HMGA1: variants seen among roughly 807,000 people sequenced by gnomAD.
HMGA1 encodes the protein high mobility group AT-hook 1.
Under a neutral mutation model 15.1 loss-of-function variants are expected in HMGA1, and 1 was observed. The observed-to-expected ratio is 0.07, with a 90% CI of 0.02 to 0.31. The LOEUF is 0.31. Ranked by LOEUF, HMGA1 falls within the 10% of genes least tolerant of loss-of-function variation. The pLI, the probability that HMGA1 is intolerant of heterozygous loss-of-function variation, is 1.00. For missense variants in HMGA1, 94 were observed against 141.4 expected, an observed-to-expected ratio of 0.66 and a Z score of 1.70; for synonymous variants, 56 against 54.8, an observed-to-expected ratio of 1.02 and a Z score of -0.10.
At chr6:34,238,355 C>T (rs1006395271) in intron 2 of HMGA1, among the ~76,000 whole-genome samples, 1 of 152,190 alleles carries the variant, frequency 6.6e-6, no homozygotes, top group Non-Finnish European at 1.5e-5. Flanking sequence ...AGCCTGATGC[C>T]TCGGGGGTTT....
rs944408467 is a variant in HMGA1 at position 34,238,363 on chromosome 6, T to G, written c.-45+1046T>G. 4.0e-5 allele frequency among the ~76,000 whole-genome samples: 6 copies of G among 151,632 alleles called. No individual in the cohort carries two copies. The East Asian group carries it at 1.2e-3, about 30-fold the overall frequency. Reference sequence around the variant, plus strand: ...GGTCTGGAGCCTGATGCCTCGGGGGTTTAGCCCTAGCCGCTAGGCGGGTAG... The same window carrying G: ...GGTCTGGAGCCTGATGCCTCGGGGGGTTAGCCCTAGCCGCTAGGCGGGTAG... On this transcript the variant is annotated intron_variant, in intron 2 of 5. Coordinates refer to ENST00000311487, the MANE Select transcript of HMGA1 (RefSeq NM_145899.3).
Position 34,245,620 on chromosome 6 carries a change from G to A in HMGA1, c.*736G>A, listed in dbSNP as rs1762685856. The stretch of plus-strand genomic sequence containing the variant: ...TCTGAGTACATATTGTGGTGATGGA[G>A]ATGCAGTCACTTATTGTCCAGGTGA... On this transcript the variant is annotated 3_prime_UTR_variant, in exon 6 of 6. Transcript: ENST00000311487. 7.2e-7 allele frequency: 1 copy of A among 1,379,950 alleles called. No homozygotes were observed. The highest frequency in any genetic ancestry group is 1.4e-5 in the African/African-American group (1 of 69,540). The allele number at this position is 1,379,950 out of a possible 1,614,324, so 85.5% of individuals were successfully genotyped here. A position where few individuals can be genotyped will look rare whatever the true frequency, so the allele number is the denominator to read the frequency against.
rs894782400 is a variant in HMGA1, at chr6:34,240,841, A to G, written c.61A>G (p.Thr21Ala). 2.5e-6 allele frequency: 4 copies of G among 1,613,236 alleles called. No homozygotes were observed. The highest frequency in any genetic ancestry group is 1.7e-5 in the Admixed American group (1 of 59,998). ...GGCCTCCAAGCAGGAAAAGGACGGC[A>G]CTGAGAAGCGGGGCCGGGGCAGGCC... Reference protein sequence around the residue: ...PLASKQEKDGTEKRGRGRPRK... With the variant: ...PLASKQEKDGAEKRGRGRPRK... The change falls in exon 3 of 6, where the codon ACT (threonine) becomes GCT (alanine). Residue 21 changes from threonine to alanine, a missense_variant. Transcript: ENST00000311487.
At chr6:34,241,822 C>T (rs532783556) in intron 3 of HMGA1, among the ~76,000 whole-genome samples, 29 of 152,336 alleles carry the variant, frequency 1.9e-4, no homozygotes, top group African/African-American at 7.0e-4. Flanking sequence ...TTTTCCCTGT[C>T]CGTACGGTGG....
intron 2 of HMGA1, among the ~76,000 whole-genome samples, chr6:34,237,603 C>G (rs1761888205): frequency 6.8e-6 from 1 of 147,362 alleles, no homozygotes; most frequent in African/African-American, 2.5e-5. Context: ...AGGGGGCGCG[C>G]AGCTGCGGCG....
intron 4 of HMGA1, 31 bp downstream of exon 4, chr6:34,242,826 G>A: frequency 1.3e-6 from 2 of 1,501,718 alleles, no homozygotes; most frequent in Non-Finnish European, 1.8e-6. Context: ...ACCCCTGGGT[G>A]GATGACTAGC....
chr6:34,242,901 C>G (rs1052758705), intron 4 of HMGA1, 106 bp downstream of exon 4: 1 of 811,144 alleles, frequency 1.2e-6, no homozygotes, highest in African/African-American at 1.7e-5. Flanking sequence ...GCTCAGTCAT[C>G]TCAGTTGTGT....
chr6:34,243,419 G>T, intron 4 of HMGA1, 49 bp from the exon 5 acceptor site: 1 of 1,428,020 alleles, frequency 7.0e-7, no homozygotes, highest in Non-Finnish European at 9.9e-7. Context: ...CATCGGGTGA[G>T]CACTGATGAG....
In HMGA1 at chr6:34,245,188, T is replaced by A; in HGVS notation, c.*304T>A. 1 of 1,410,020 alleles carries A rather than the reference T, an allele frequency of 7.1e-7. No individual in the cohort carries two copies. Among genetic ancestry groups the A allele is most frequent in the Non-Finnish European group, 9.4e-7 (1 of 1,066,580 alleles). The allele number at this position is 1,410,020 out of a possible 1,614,324, so 87.3% of individuals were successfully genotyped here. A position where few individuals can be genotyped will look rare whatever the true frequency, so the allele number is the denominator to read the frequency against. On this transcript the variant is annotated 3_prime_UTR_variant, in exon 6 of 6. Coordinates refer to ENST00000311487, the MANE Select transcript of HMGA1 (RefSeq NM_145899.3). ...GCTAACATCCCACTTAGCCGCACCCTGCACCTGCTGCGTCCCCACTCCCTT... is the reference window on the plus strand; with the variant it reads ...GCTAACATCCCACTTAGCCGCACCCAGCACCTGCTGCGTCCCCACTCCCTT...
chr6:34,244,572 C>T (rs186889730), intron 5 of HMGA1, among the ~76,000 whole-genome samples: 230 of 152,326 alleles, frequency 1.5e-3, no homozygotes, highest in African/African-American at 5.3e-3. Flanking sequence ...CCCTCCTGCC[C>T]TCCCTGGGCC....
chr6:34,241,339 A>T (rs1475449212), intron 3 of HMGA1, among the ~76,000 whole-genome samples: 1 of 152,214 alleles, frequency 6.6e-6, no homozygotes, highest in Non-Finnish European at 1.5e-5. Context: ...ACGTAAAATG[A>T]TTTTTGTCAA....
At chr6:34,243,440 T>C in intron 4 of HMGA1, 28 bp from the exon 5 acceptor site, 1 of 1,589,484 alleles carries the variant, frequency 6.3e-7, no homozygotes. Flanking sequence ...CATTTTGGAC[T>C]TAGGAGATAT....
Position 34,236,905 on chromosome 6 carries a change from C to T in HMGA1, c.-217C>T, listed in dbSNP as rs9380423. On this transcript the variant is annotated 5_prime_UTR_variant, in exon 1 of 6. Transcript: ENST00000311487. Reference sequence around the variant, plus strand: ...AGCTCCCCTGAGCCGGTGCTGCGCTCCTCTAATTGGGACTCCGAGCCGGGG... The same window carrying T: ...AGCTCCCCTGAGCCGGTGCTGCGCTTCTCTAATTGGGACTCCGAGCCGGGG... 11 of 152,654 alleles carry T rather than the reference C, an allele frequency of 7.2e-5. No individual in the cohort carries two copies. In the East Asian group the frequency reaches 1.7e-3, roughly 24 times the overall value. 9.5% of individuals were successfully genotyped at this position (152,654 alleles called of 1,614,324 possible). A position where few individuals can be genotyped will look rare whatever the true frequency, so the allele number is the denominator to read the frequency against.
At chr6:34,237,354 A>AG (rs1310386681) in intron 2 of HMGA1, 37 bp downstream of exon 2, 2 of 143,950 alleles carry the variant, frequency 1.4e-5, no homozygotes, top group East Asian at 4.1e-4. Flanking sequence ...GCGGCGGCGG[A>AG]GGGGGGCGCC....
chr6:34,237,535 C>T (rs1161704734), intron 2 of HMGA1, among the ~76,000 whole-genome samples: 2 of 144,482 alleles, frequency 1.4e-5, no homozygotes, highest in Non-Finnish European at 3.1e-5. Flanking sequence ...GCACCCCTTC[C>T]CCCGCGCCGC....
intron 4 of HMGA1, among the ~76,000 whole-genome samples, chr6:34,243,025 C>G (rs1231507733): frequency 1.3e-5 from 2 of 152,006 alleles, no homozygotes; most frequent in Admixed American, 6.5e-5. Context: ...CTGCGGAGAT[C>G]AGGTCAGAAG....
intron 3 of HMGA1, 91 bp downstream of exon 3, chr6:34,241,006 A>C: frequency 6.9e-7 from 1 of 1,444,614 alleles, no homozygotes; most frequent in South Asian, 1.2e-5. Context: ...CCATGCATGG[A>C]GGGTGCAGAA....
intron 5 of HMGA1, among the ~76,000 whole-genome samples, chr6:34,244,604 T>C (rs1207224248): frequency 6.6e-6 from 1 of 152,190 alleles, no homozygotes; most frequent in East Asian, 1.9e-4. Flanking sequence ...GGGGCTTGGC[T>C]CCTGGCTCTG....
intron 2 of HMGA1, among the ~76,000 whole-genome samples, chr6:34,239,335 C>T (rs1762107620): frequency 6.6e-6 from 1 of 151,682 alleles, no homozygotes; most frequent in Non-Finnish European, 1.5e-5. Flanking sequence ...TCTCGAACTC[C>T]TGACCTCAAG....
Sources: gnomAD v4.1 joint callset for allele counts (sites outside exome capture counted in the v4.1 genomes callset) on GRCh38, gnomAD v4.1.1 for gene constraint, MANE v1.5 for transcripts, NCBI Gene and HGNC (gene_info 2026-07-23, HGNC 2026-07-21) for gene names.